Variants in CSMD1 observed in about 807,000 individuals in gnomAD.
The protein encoded by CSMD1 is CUB and Sushi multiple domains 1.
CSMD1 carries 213 observed loss-of-function variants against 417.5 expected under a neutral mutation model. The ratio of observed to expected loss-of-function variants is 0.51; its 90% CI spans 0.46 to 0.57. The LOEUF is 0.57. CSMD1 is among the 20% of genes least tolerant of loss of function. The pLI is 0.00. For missense variants in CSMD1, 6,923 were observed against 4,529.7 expected (o/e 1.53, Z -15.17); for synonymous variants, 2,862 against 1,736.8 (o/e 1.65, Z -16.11).
chr8:4,087,635 C>G (rs890011646), intron 3 of CSMD1, among the ~76,000 whole-genome samples: 1 of 152,116 alleles, frequency 6.6e-6, no homozygotes, highest in Non-Finnish European at 1.5e-5. Flanking sequence ...TTCTTCGATA[C>G]TCTCACATTC....
At chr8:3,386,159 G>A (rs1810991197) in intron 18 of CSMD1, among the ~76,000 whole-genome samples, 1 of 152,090 alleles carries the variant, frequency 6.6e-6, no homozygotes, top group South Asian at 2.1e-4. Flanking sequence ...CCAATAGCAG[G>A]AAAAGAAAAA....
At chr8:4,178,591 C>G (rs1385706758) in intron 3 of CSMD1, among the ~76,000 whole-genome samples, 1 of 151,294 alleles carries the variant, frequency 6.6e-6, no homozygotes, top group Non-Finnish European at 1.5e-5. Flanking sequence ...GGCAATTAGG[C>G]AGGAGAAGGA....
At chr8:3,004,567 T>C (rs983706364) in intron 52 of CSMD1, among the ~76,000 whole-genome samples, 2 of 152,244 alleles carry the variant, frequency 1.3e-5, no homozygotes, top group African/African-American at 4.8e-5. Context: ...TGATTTTTAA[T>C]CCAATGTATA....
chr8:3,880,728 A>G (rs932931564), intron 5 of CSMD1, among the ~76,000 whole-genome samples: 4 of 152,222 alleles, frequency 2.6e-5, no homozygotes, highest in African/African-American at 7.2e-5. Context: ...TAAGCAAAAT[A>G]TATTAAAATT....
intron 3 of CSMD1, among the ~76,000 whole-genome samples, chr8:4,154,864 G>C (rs970123115): frequency 3.3e-5 from 5 of 152,258 alleles, no homozygotes; most frequent in South Asian, 4.1e-4. Context: ...TTGATACCAA[G>C]TCAGCTGCAT....
chr8:4,809,587 G>C (rs982488522), intron 1 of CSMD1, among the ~76,000 whole-genome samples: 2 of 152,186 alleles, frequency 1.3e-5, no homozygotes, highest in Non-Finnish European at 2.9e-5. Context: ...CCTACAGCTA[G>C]ACCAAAAGGT....
At chr8:4,881,776 T>C (rs931962465) in intron 1 of CSMD1, among the ~76,000 whole-genome samples, 44 of 152,144 alleles carry the variant, frequency 2.9e-4, no homozygotes, top group African/African-American at 1.0e-3. Flanking sequence ...TTGTACAGCA[T>C]TTTATTCACA....
chr8:4,586,212 G>C (rs976902134), intron 2 of CSMD1, among the ~76,000 whole-genome samples: 3 of 152,062 alleles, frequency 2.0e-5, no homozygotes, highest in African/African-American at 7.2e-5. Flanking sequence ...ATAAATTATT[G>C]TTAACTATGG....
intron 27 of CSMD1, among the ~76,000 whole-genome samples, chr8:3,225,530 G>C (rs1489161277): frequency 6.6e-6 from 1 of 152,252 alleles, no homozygotes; most frequent in African/African-American, 2.4e-5. Context: ...GGGAGCGGGA[G>C]CTGATGCAGA....
At chr8:4,560,171 C>T (rs1015169920) in intron 2 of CSMD1, among the ~76,000 whole-genome samples, 3 of 152,208 alleles carry the variant, frequency 2.0e-5, no homozygotes, top group Admixed American at 6.5e-5. Flanking sequence ...CTCATCTCAC[C>T]GCACTTTCTC....
chr8:3,083,667 T>TTA (rs1563320826), intron 49 of CSMD1, among the ~76,000 whole-genome samples: 3 of 89,804 alleles, frequency 3.3e-5, no homozygotes, highest in Admixed American at 2.4e-4. Context: ...TTTTTTTTTT[T>TTA]TTTTTTTTTT....
intron 26 of CSMD1, among the ~76,000 whole-genome samples, chr8:3,249,566 A>T (rs1171792848): frequency 1.3e-5 from 2 of 152,126 alleles, no homozygotes; most frequent in Non-Finnish European, 2.9e-5. Context: ...CAAATGATCA[A>T]GTCTCAAAAA....
At chr8:3,482,301 C>T (rs1047759498) in intron 11 of CSMD1, among the ~76,000 whole-genome samples, 2 of 151,832 alleles carry the variant, frequency 1.3e-5, no homozygotes, top group African/African-American at 2.4e-5. Context: ...ATCAATGACC[C>T]AGGCATATTG....
At chr8:3,943,299 C>T (rs546980167) in intron 5 of CSMD1, among the ~76,000 whole-genome samples, 1 of 151,330 alleles carries the variant, frequency 6.6e-6, no homozygotes, top group South Asian at 2.1e-4. Flanking sequence ...CTTTATCACC[C>T]TTGACAACTG....
chr8:3,399,617 C>T (rs918136703), intron 15 of CSMD1, 88 bp from the exon 16 acceptor site: 8 of 989,198 alleles, frequency 8.1e-6, no homozygotes, highest in Non-Finnish European at 1.1e-5. Flanking sequence ...GAATCTGCTT[C>T]TGTGTTCATA....
intron 2 of CSMD1, among the ~76,000 whole-genome samples, chr8:4,521,942 T>C (rs1330558734): frequency 6.6e-6 from 1 of 152,200 alleles, no homozygotes; most frequent in African/African-American, 2.4e-5. Context: ...TAAGGGATCA[T>C]TATGAAAGTT....
intron 4 of CSMD1, among the ~76,000 whole-genome samples, chr8:4,029,378 T>G (rs568471575): frequency 2.0e-5 from 3 of 152,282 alleles, no homozygotes; most frequent in African/African-American, 7.2e-5. Context: ...TCTATATGGC[T>G]GGGGAAGCCT....
chr8:3,234,504 T>A (rs1799035694), intron 26 of CSMD1, among the ~76,000 whole-genome samples: 1 of 151,316 alleles, frequency 6.6e-6, no homozygotes, highest in African/African-American at 2.4e-5. Flanking sequence ...TAGAAGAGAG[T>A]GCTTGGGTTT....
chr8:3,356,625 A>C (rs1037489271), intron 21 of CSMD1, among the ~76,000 whole-genome samples: 18 of 152,212 alleles, frequency 1.2e-4, no homozygotes, highest in African/African-American at 4.3e-4. Context: ...CATTGAGCCG[A>C]GATCGTGCCA....
Sources: gnomAD v4.1 joint callset for allele counts (sites outside exome capture counted in the v4.1 genomes callset) on GRCh38, gnomAD v4.1.1 for gene constraint, MANE v1.5 for transcripts, NCBI Gene and HGNC (gene_info 2026-07-23, HGNC 2026-07-21) for gene names.